Variants in ZNF248 observed in about 807,000 individuals in gnomAD.
The protein encoded by ZNF248 is zinc finger protein 248.
ZNF248 carries 20 observed loss-of-function variants against 44.3 expected under a neutral mutation model. The observed-to-expected ratio is 0.45, with a 90% CI of 0.32 to 0.66. The LOEUF is 0.66. Ranked by LOEUF, ZNF248 falls within the 30% of genes least tolerant of loss-of-function variation. ZNF248 has a pLI of 0.04. For synonymous variants in ZNF248, 224 were observed against 229.0 expected (o/e 0.98, Z 0.20); for missense variants, 654 against 677.0 (o/e 0.97, Z 0.38).
At chr10:37,800,255 C>T (rs190705558) in intron 6 of ZNF248, among the ~76,000 whole-genome samples, 72 of 152,270 alleles carry the variant, frequency 4.7e-4, no homozygotes, top group Non-Finnish European at 8.7e-4. Context: ...TTTTTTGACA[C>T]TCACCCTCCT....
chr10:37,801,624 A>C (rs1028380425), intron 6 of ZNF248, among the ~76,000 whole-genome samples: 4 of 152,192 alleles, frequency 2.6e-5, no homozygotes, highest in Admixed American at 1.3e-4. Context: ...ATTTGTTTAC[A>C]AAAAACCCAT....
In ZNF248 at chr10:37,831,059, T is replaced by A; in HGVS notation, c.*556A>T. On this transcript the variant is annotated 3_prime_UTR_variant, in exon 6 of 6. Transcript: ENST00000395867. Reference sequence around the variant, plus strand: ...ACATATACACACAAACATATGTACATACACATATATAATTATGTCAACCTA... The same window carrying A: ...ACATATACACACAAACATATGTACAAACACATATATAATTATGTCAACCTA... The A allele has an allele frequency of 1.6e-6, 2 of 1,237,608 alleles. No individual in the cohort carries two copies. Among genetic ancestry groups the A allele is most frequent in the South Asian group, 2.1e-5 (1 of 48,366 alleles). The allele number at this position is 1,237,608 out of a possible 1,614,324, so 76.7% of individuals were successfully genotyped here. A position where few individuals can be genotyped will look rare whatever the true frequency, so the allele number is the denominator to read the frequency against.
At chr10:37,801,323 C>T (rs1193236474) in intron 6 of ZNF248, among the ~76,000 whole-genome samples, 2 of 151,916 alleles carry the variant, frequency 1.3e-5, no homozygotes, top group Non-Finnish European at 1.5e-5. Flanking sequence ...TTGCAGTGAG[C>T]TGAGACTGCG....
chr10:37,839,285 T>G (rs2057854084), intron 3 of ZNF248, among the ~76,000 whole-genome samples: 1 of 152,180 alleles, frequency 6.6e-6, no homozygotes, highest in Non-Finnish European at 1.5e-5. Flanking sequence ...GAGAAACCTC[T>G]AGGAATTTCG....
At chr10:37,804,900 ATTAT>A (rs1228656868) in intron 6 of ZNF248, among the ~76,000 whole-genome samples, 1 of 152,184 alleles carries the variant, frequency 6.6e-6, no homozygotes, top group Non-Finnish European at 1.5e-5. Context: ...GATAATAAAC[ATTAT>A]TTATACTTTA....
At chr10:37,838,180 T>C (rs970921401) in intron 3 of ZNF248, 69 bp from the exon 4 acceptor site, 1 of 1,438,830 alleles carries the variant, frequency 7.0e-7, no homozygotes, top group African/African-American at 1.4e-5. Flanking sequence ...TTAAGAGAAC[T>C]AATCTCTTTA....
chr10:37,811,450 T>TA (rs1352128566), intron 6 of ZNF248, among the ~76,000 whole-genome samples: 1 of 151,226 alleles, frequency 6.6e-6, no homozygotes, highest in Admixed American at 6.6e-5. Flanking sequence ...ATAAATAAAA[T>TA]AAAAAATAAA....
intron 3 of ZNF248, among the ~76,000 whole-genome samples, chr10:37,853,122 G>A (rs2060614343): frequency 6.6e-6 from 1 of 152,140 alleles, no homozygotes; most frequent in Non-Finnish European, 1.5e-5. Flanking sequence ...GGGATTTACA[G>A]GCGTGAGCCA....
At chr10:37,835,569 G>C (rs189451247) in intron 5 of ZNF248, among the ~76,000 whole-genome samples, 1 of 152,312 alleles carries the variant, frequency 6.6e-6, no homozygotes, top group Non-Finnish European at 1.5e-5. Context: ...TGGCCCTTGA[G>C]CTAAGTATGT....
chr10:37,806,620 T>G (rs1276678220), intron 6 of ZNF248, among the ~76,000 whole-genome samples: 1 of 152,168 alleles, frequency 6.6e-6, no homozygotes, highest in East Asian at 1.9e-4. Context: ...TTAGGAGTTA[T>G]CTATATATTC....
intron 6 of ZNF248, chr10:37,794,541 A>G: frequency 6.1e-6 from 1 of 162,616 alleles, no homozygotes. Flanking sequence ...TGAGGCATGA[A>G]TTACCACTGA....
At chr10:37,843,467 G>A (rs1564633078) in intron 3 of ZNF248, among the ~76,000 whole-genome samples, 1 of 151,748 alleles carries the variant, frequency 6.6e-6, no homozygotes, top group East Asian at 1.9e-4. Flanking sequence ...CAAACCTTGG[G>A]GAAGCGTAAA....
rs750725620 is a variant in ZNF248 at position 37,832,140 on chromosome 10, C to G, written c.1215G>C (p.Glu405Asp). The change falls in exon 6 of 6, where the codon GAG becomes GAC. Residue 405 changes from glutamate (E) to aspartate (D), a missense_variant. By Grantham distance (45) the Glu-to-Asp change is conservative. Coordinates refer to ENST00000395867, the MANE Select transcript of ZNF248 (RefSeq NM_021045.3). ...CACATTCAGTACATTCATAGGGCTT[C>G]TCTCCTGTGTGTGTTCTCTGATGTT... ...LTQHQRTHTG[E>D]KPYECTECGK... is the part of the protein sequence containing the mutation. 6.2e-7 allele frequency: 1 copy of G among 1,614,038 alleles called. No individual in the cohort carries two copies.
downstream of ZNF248, among the ~76,000 whole-genome samples, chr10:37,774,902 T>C (rs541758713): frequency 1.1e-4 from 16 of 152,188 alleles, no homozygotes; most frequent in South Asian, 3.1e-3. Flanking sequence ...TACCTCAGCC[T>C]CCCAAGTAGC....
At chr10:37,820,626 G>A in intron 6 of ZNF248, 1 of 1,557,792 alleles carries the variant, frequency 6.4e-7, no homozygotes, top group Non-Finnish European at 8.8e-7. Flanking sequence ...CCTTTCCCTT[G>A]GCTAGTTTCA....
chr10:37,843,294 G>A (rs1009185442), intron 3 of ZNF248, among the ~76,000 whole-genome samples: 15 of 151,832 alleles, frequency 9.9e-5, no homozygotes, highest in South Asian at 2.1e-4. Context: ...GCGTGGTGGC[G>A]CATGCCTGTA....
chr10:37,791,365 G>A (rs1021997153), intron 6 of ZNF248, among the ~76,000 whole-genome samples: 1 of 151,942 alleles, frequency 6.6e-6, no homozygotes, highest in African/African-American at 2.4e-5. Context: ...TCCACAATAT[G>A]TTAATGGTCA....
chr10:37,818,743 T>A (rs1262921981), intron 6 of ZNF248: 1 of 644,364 alleles, frequency 1.6e-6, no homozygotes, highest in Non-Finnish European at 2.8e-6. Flanking sequence ...AATGCAGTCC[T>A]CCTTTTGGTA....
intron 6 of ZNF248, chr10:37,795,383 T>C (rs2049032242): frequency 6.6e-6 from 1 of 152,228 alleles, no homozygotes; most frequent in Non-Finnish European, 1.5e-5. Context: ...GCCATGTTCA[T>C]TGCTTTCATG....
Sources: gnomAD v4.1 joint callset for allele counts (sites outside exome capture counted in the v4.1 genomes callset) on GRCh38, gnomAD v4.1.1 for gene constraint, MANE v1.5 for transcripts, NCBI Gene and HGNC (gene_info 2026-07-23, HGNC 2026-07-21) for gene names.